C8B: variants seen among roughly 807,000 people sequenced by gnomAD.
C8B encodes complement component C8 beta chain.
C8B carries 67 observed loss-of-function variants against 64.6 expected under a neutral mutation model. That is an observed-to-expected ratio of 1.04 (90% CI 0.85 to 1.27). The LOEUF is 1.27. Among genes scored for constraint, C8B ranks in the 50% most tolerant of loss-of-function variants. C8B has a pLI of 0.00. For missense variants in C8B, 790 were observed against 725.2 expected, an observed-to-expected ratio of 1.09 and a Z score of -1.03; for synonymous variants, 284 against 257.7, an observed-to-expected ratio of 1.10 and a Z score of -0.98.
chr1:56,949,240 A>G (rs1644985725), intron 6 of C8B, among the ~76,000 whole-genome samples: 1 of 152,192 alleles, frequency 6.6e-6, no homozygotes, highest in African/African-American at 2.4e-5. Flanking sequence ...CCTCATGAAT[A>G]GATTAATGCT....
At chr1:56,956,676 G>A in intron 3 of C8B, 93 bp downstream of exon 3, 1 of 1,424,116 alleles carries the variant, frequency 7.0e-7, no homozygotes. Flanking sequence ...CCATGACCCT[G>A]ATCTTGAGCA....
intron 2 of C8B, 78 bp from the exon 3 acceptor site, chr1:56,956,988 G>A: frequency 6.5e-7 from 1 of 1,542,588 alleles, no homozygotes; most frequent in South Asian, 1.1e-5. Flanking sequence ...GTGTAAATGG[G>A]TCTTGAGCCA....
At chr1:56,959,487 G>A in intron 2 of C8B, 3 of 1,180,732 alleles carry the variant, frequency 2.5e-6, no homozygotes, top group South Asian at 2.6e-5. Context: ...CAAATTGTGA[G>A]TAGGTGTTCA....
chr1:56,957,616 C>T (rs1474058988), intron 2 of C8B, among the ~76,000 whole-genome samples: 1 of 152,138 alleles, frequency 6.6e-6, no homozygotes, highest in African/African-American at 2.4e-5. Context: ...GTCAATATTG[C>T]TATATCTCTA....
At chr1:56,940,815 T>C (rs1644840615) in intron 9 of C8B, 34 bp downstream of exon 9, 2 of 1,613,552 alleles carry the variant, frequency 1.2e-6, no homozygotes, top group Admixed American at 3.3e-5. Flanking sequence ...ATTTTCTGGG[T>C]GGAGGAAAGG....
At position 56,940,865 on chromosome 1, in the gene C8B, G is replaced by C. The variant is rs757480558; in HGVS notation, c.1382C>G (p.Ala461Gly). 5 of 1,613,844 alleles carry C rather than the reference G, an allele frequency of 3.1e-6. No homozygotes were observed. Among genetic ancestry groups the C allele is most frequent in the Middle Eastern group, 1.6e-4 (1 of 6,084 alleles). Residue 461 changes from alanine (A) to glycine (G), a missense_variant, in exon 9 of 12, where the codon GCC (alanine) becomes GGC (glycine). Transcript: ENST00000371237. ...EWGDAVQYNP[A>G]IIKVKVEPLY... ...GTTGTGTACCTTAACTTTGATGATGGCTGGGTTGTACTGCACAGCGTCTCC... is the reference window on the plus strand; with the variant it reads ...GTTGTGTACCTTAACTTTGATGATGCCTGGGTTGTACTGCACAGCGTCTCC...
intron 5 of C8B, among the ~76,000 whole-genome samples, chr1:56,950,324 G>A (rs1437053042): frequency 6.6e-6 from 1 of 152,196 alleles, no homozygotes; most frequent in East Asian, 1.9e-4. Flanking sequence ...TGAGGAGGCT[G>A]TAAGAGCAGT....
chr1:56,949,491 G>A, intron 6 of C8B, 64 bp downstream of exon 6: 1 of 1,381,094 alleles, frequency 7.2e-7, no homozygotes, highest in South Asian at 1.2e-5. Flanking sequence ...GTGGTGTTTT[G>A]TTACAGCAGC....
intron 9 of C8B, among the ~76,000 whole-genome samples, chr1:56,940,399 TA>T (rs778772264): frequency 0.016 from 2,133 of 137,274 alleles, 26 homozygotes; most frequent in African/African-American, 0.043. Flanking sequence ...ACCCCATTTC[TA>T]AAAAAAAAAA....
intron 2 of C8B, chr1:56,959,742 T>C (rs578227675): frequency 1.2e-5 from 10 of 854,688 alleles, no homozygotes; most frequent in Admixed American, 5.1e-5. Context: ...CCCTGTTTCA[T>C]GATGAAAGAT....
chr1:56,934,331 G>T (rs1339888774), intron 9 of C8B, among the ~76,000 whole-genome samples: 1 of 152,058 alleles, frequency 6.6e-6, no homozygotes, highest in Non-Finnish European at 1.5e-5. Context: ...TGGATGAGAG[G>T]GTTTGGCTGT....
intron 8 of C8B, among the ~76,000 whole-genome samples, chr1:56,943,445 CATT>C (rs1335002582): frequency 1.3e-5 from 2 of 152,168 alleles, no homozygotes; most frequent in Non-Finnish European, 1.5e-5. Flanking sequence ...TACACAAAAA[CATT>C]ATGTTGAATG....
intron 6 of C8B, among the ~76,000 whole-genome samples, chr1:56,947,754 A>G (rs536445124): frequency 1.3e-5 from 2 of 151,776 alleles, no homozygotes; most frequent in African/African-American, 4.9e-5. Context: ...ACATGGTGAA[A>G]CCCCGTCTCT....
chr1:56,931,388 A>C (rs906165008), intron 11 of C8B, among the ~76,000 whole-genome samples: 1 of 152,316 alleles, frequency 6.6e-6, no homozygotes, highest in Non-Finnish European at 1.5e-5. Flanking sequence ...AAGAGCTATA[A>C]TAGATACATG....
chr1:56,933,143 T>C (rs1644726492), intron 10 of C8B, among the ~76,000 whole-genome samples, 192 bp downstream of exon 10: 1 of 152,130 alleles, frequency 6.6e-6, no homozygotes, highest in Non-Finnish European at 1.5e-5. Flanking sequence ...CCTGCTACTG[T>C]CTTCAGCTTA....
chr1:56,946,061 T>A lies in C8B; in HGVS notation c.865A>T (p.Lys289Ter), dbSNP rs945021500. 6.8e-6 allele frequency: 11 copies of A among 1,614,132 alleles called. No individual in the cohort carries two copies. Among genetic ancestry groups the A allele is most frequent in the Non-Finnish European group, 9.3e-6 (11 of 1,180,014 alleles). Residue 289 changes from lysine to a stop codon, truncating the protein, a stop_gained and splice_region_variant, in exon 7 of 12, where the codon AAA becomes TAA. Transcript: ENST00000371237. LOFTEE classifies it high-confidence loss of function. Reference protein sequence around the residue: ...IRRTKRFSHTKSVFLHARSDL... With the variant: ...IRRTKRFSHT ...GAGCGTGCATGCAGAAATACGCTTT[T>A]CTAAATGAAATACCAACATGGGAAA... is the stretch of plus-strand genomic sequence containing the variant.
At chr1:56,947,289 C>T (rs1014214531) in intron 6 of C8B, among the ~76,000 whole-genome samples, 3 of 152,162 alleles carry the variant, frequency 2.0e-5, no homozygotes, top group Non-Finnish European at 2.9e-5. Context: ...CTCCAGTAGC[C>T]TCTCTGGCTT....
At position 56,929,435 on chromosome 1, in the gene C8B, C is replaced by A; in HGVS notation, c.1745G>T (p.Gly582Val). The A allele has an allele frequency of 6.2e-7, 1 of 1,612,442 alleles. No individual in the cohort carries two copies. The highest frequency in any genetic ancestry group is 8.5e-7 in the Non-Finnish European group (1 of 1,179,920). Residue 582 changes from glycine (G) to valine (V), a missense_variant, in exon 12 of 12, where the codon GGC becomes GTC. Transcript: ENST00000371237. ...PPQNGGSPCS[G>V]PASETLDCS ...GCAGTCAAGTGTTTCTGAAGCAGGG[C>A]CTGAACAGGGGCTACCCCCATTTTG...
At chr1:56,929,831 T>A (rs1226574586) in intron 11 of C8B, among the ~76,000 whole-genome samples, 2 of 152,200 alleles carry the variant, frequency 1.3e-5, no homozygotes, top group African/African-American at 4.8e-5. Context: ...TGTTATTTCC[T>A]CAGGAAAATC....
Sources: gnomAD v4.1 joint callset for allele counts (sites outside exome capture counted in the v4.1 genomes callset) on GRCh38, gnomAD v4.1.1 for gene constraint, MANE v1.5 for transcripts, NCBI Gene and HGNC (gene_info 2026-07-23, HGNC 2026-07-21) for gene names.